Variants in CACNA1D observed in about 807,000 individuals in gnomAD.
CACNA1D encodes the protein voltage-dependent L-type calcium channel subunit alpha-1D.
In CACNA1D, 55 loss-of-function variants were observed where a neutral mutation model predicts 257.1. The observed-to-expected ratio is 0.21, with a 90% confidence interval of 0.17 to 0.27. The LOEUF (loss-of-function observed/expected upper bound fraction) is 0.27. CACNA1D is among the 10% of genes least tolerant of loss of function. The pLI is 1.00. For missense variants in CACNA1D, 1,876 were observed against 2,784.0 expected (o/e 0.67, Z 7.34); for synonymous variants, 980 against 1,014.9 (o/e 0.97, Z 0.65).
At chr3:53,670,525 A>G (rs1311042427) in intron 7 of CACNA1D, among the ~76,000 whole-genome samples, 1 of 151,936 alleles carries the variant, frequency 6.6e-6, no homozygotes, top group Non-Finnish European at 1.5e-5. Context: ...TTGTATTTTT[A>G]GTAGAGACGG....
intron 40 of CACNA1D, among the ~76,000 whole-genome samples, chr3:53,787,451 GTGTA>G (rs1043655080): frequency 4.7e-4 from 71 of 150,832 alleles, no homozygotes; most frequent in African/African-American, 7.6e-4. Flanking sequence ...GTGTGTGTGT[GTGTA>G]TGTATGTATG....
At chr3:53,622,277 C>G (rs2093705067) in intron 3 of CACNA1D, among the ~76,000 whole-genome samples, 1 of 152,206 alleles carries the variant, frequency 6.6e-6, no homozygotes, top group South Asian at 2.1e-4. Context: ...TCTTGAACTC[C>G]TGACCTCAAA....
intron 3 of CACNA1D, among the ~76,000 whole-genome samples, chr3:53,601,280 TA>T (rs1260981025): frequency 2.0e-5 from 3 of 152,210 alleles, no homozygotes; most frequent in African/African-American, 4.8e-5. Context: ...TCATATGTAC[TA>T]AGGTTTTCAA....
chr3:53,654,578 G>A (rs2094130468), intron 4 of CACNA1D, among the ~76,000 whole-genome samples: 1 of 152,128 alleles, frequency 6.6e-6, no homozygotes, highest in Non-Finnish European at 1.5e-5. Context: ...AATCTAGTTT[G>A]AGCCTTTTTT....
intron 9 of CACNA1D, among the ~76,000 whole-genome samples, chr3:53,706,204 G>C (rs1450372914): frequency 6.6e-6 from 1 of 152,230 alleles, no homozygotes; most frequent in African/African-American, 2.4e-5. Context: ...TCCTGGATGT[G>C]AGTTGAGCAG....
intron 3 of CACNA1D, among the ~76,000 whole-genome samples, chr3:53,642,438 C>T (rs2093967846): frequency 2.0e-5 from 3 of 152,230 alleles, no homozygotes; most frequent in African/African-American, 7.2e-5. Context: ...ACTCTTATTG[C>T]CCCTGGGATG....
intron 3 of CACNA1D, among the ~76,000 whole-genome samples, chr3:53,623,058 A>AT (rs961111511): frequency 2.6e-5 from 4 of 152,088 alleles, no homozygotes; most frequent in African/African-American, 7.2e-5. Flanking sequence ...CGTTTGGCTA[A>AT]TTTTTTGTAT....
rs112720732 is a variant in CACNA1D, at chr3:53,644,718, C to T, written c.484-6061C>T. On this transcript the variant is annotated intron_variant, in intron 3 of 47. Transcript: ENST00000350061. ...ACCACATTTTCTTTACCCATTCATC[C>T]ATTGATGAACATGGAGGTTAATTCC... Among the ~76,000 whole-genome samples, 6 of 152,274 alleles carry T rather than the reference C, an allele frequency of 3.9e-5. 1 individual carries two copies. The highest frequency in any genetic ancestry group is 1.2e-4 in the African/African-American group (5 of 41,546).
At chr3:53,636,273 A>G (rs1190835061) in intron 3 of CACNA1D, among the ~76,000 whole-genome samples, 1 of 152,132 alleles carries the variant, frequency 6.6e-6, no homozygotes, top group Non-Finnish European at 1.5e-5. Flanking sequence ...GCACACATAA[A>G]TGTCATCTGA....
At chr3:53,722,566 G>A in intron 12 of CACNA1D, 92 bp downstream of exon 12, 2 of 1,268,456 alleles carry the variant, frequency 1.6e-6, no homozygotes, top group East Asian at 4.6e-5. Flanking sequence ...GCTGCATGAT[G>A]AAGTATCGCA....
At chr3:53,534,533 C>G (rs1000606987) in intron 3 of CACNA1D, among the ~76,000 whole-genome samples, 1 of 152,158 alleles carries the variant, frequency 6.6e-6, no homozygotes, top group Non-Finnish European at 1.5e-5. Flanking sequence ...CCTCTCCATT[C>G]TGTGTGCCCC....
At chr3:53,712,988 G>T (rs905088117) in intron 9 of CACNA1D, among the ~76,000 whole-genome samples, 1 of 152,186 alleles carries the variant, frequency 6.6e-6, no homozygotes, top group African/African-American at 2.4e-5. Flanking sequence ...GGCCTCTGGG[G>T]AGCTACTGCT....
At chr3:53,805,320 T>A in intron 45 of CACNA1D, 174 bp downstream of exon 45, 1 of 646,360 alleles carries the variant, frequency 1.5e-6, no homozygotes, top group South Asian at 1.8e-5. Context: ...CTCATCCATA[T>A]CTCACGTGAT....
rs1013944625 is a variant in CACNA1D, at chr3:53,793,341, G to C, written c.4923+6389G>C. On this transcript the variant is annotated intron_variant, in intron 40 of 47. Coordinates refer to ENST00000350061, the MANE Select transcript of CACNA1D (RefSeq NM_001128840.3). This position sits in a 1 kb window ranked among gnomAD's most constrained non-coding sequence, Gnocchi z 4.1. ...CCTGAAAGGGAAGCCCGTCAGTCCT[G>C]TGGGGGTCCGTCAGTCCCTCTGTCT... Among the ~76,000 whole-genome samples, 1 of 152,216 alleles carries C rather than the reference G, an allele frequency of 6.6e-6. No homozygotes were observed. Among genetic ancestry groups the C allele is most frequent in the Non-Finnish European group, 1.5e-5 (1 of 68,034 alleles).
chr3:53,505,117 T>TG (rs1467086149), intron 3 of CACNA1D, among the ~76,000 whole-genome samples: 6 of 142,502 alleles, frequency 4.2e-5, no homozygotes, highest in Non-Finnish European at 9.2e-5. Context: ...GTTTATTTGT[T>TG]TTTTTTTTTT....
chr3:53,645,115 G>A (rs2094005370), intron 3 of CACNA1D, among the ~76,000 whole-genome samples: 1 of 152,156 alleles, frequency 6.6e-6, no homozygotes, highest in Non-Finnish European at 1.5e-5. Context: ...CTATTTGTAT[G>A]TCTTCTTTTG....
At chr3:53,675,877 G>A (rs914426855) in intron 8 of CACNA1D, among the ~76,000 whole-genome samples, 3 of 152,116 alleles carry the variant, frequency 2.0e-5, no homozygotes, top group East Asian at 1.9e-4. Context: ...CTGTCAGTGC[G>A]GGCTGTGCTC....
intron 3 of CACNA1D, among the ~76,000 whole-genome samples, chr3:53,617,051 C>T (rs1354689160): frequency 2.0e-5 from 3 of 152,180 alleles, no homozygotes; most frequent in Non-Finnish European, 4.4e-5. Context: ...AGCACACCTG[C>T]CTGGAATGTT....
intron 3 of CACNA1D, among the ~76,000 whole-genome samples, chr3:53,581,728 G>A (rs1338204024): frequency 1.3e-5 from 2 of 152,184 alleles, no homozygotes; most frequent in Non-Finnish European, 2.9e-5. Context: ...TCCTAGGGCT[G>A]GATGTAGCTG....
Sources: allele counts gnomAD v4.1 joint callset (sites outside exome capture counted in the v4.1 genomes callset), GRCh38; gene constraint gnomAD v4.1.1; non-coding constraint Gnocchi (gnomAD v3.1); transcripts MANE v1.5; gene names NCBI Gene and HGNC (gene_info 2026-07-23, HGNC 2026-07-21).